The following PKHD1L1 variants were observed in gnomAD, a reference collection of about 807,000 sequenced individuals.
PKHD1L1 encodes fibrocystin-L.
PKHD1L1 carries 434 observed loss-of-function variants against 462.9 expected under a neutral mutation model. The observed-to-expected ratio is 0.94, with a 90% CI of 0.87 to 1.02. The LOEUF (loss-of-function observed/expected upper bound fraction) is 1.02. PKHD1L1 is among the 50% of genes least tolerant of loss of function. The pLI is 0.00. For synonymous variants in PKHD1L1, 1,781 were observed against 1,750.0 expected, an observed-to-expected ratio of 1.02 and a Z score of -0.44; for missense variants, 5,202 against 5,096.1, an observed-to-expected ratio of 1.02 and a Z score of -0.63.
intron 39 of PKHD1L1, among the ~76,000 whole-genome samples, 184 bp downstream of exon 39, chr8:109,448,575 G>C (rs1202541350): frequency 8.0e-5 from 12 of 150,526 alleles, no homozygotes; most frequent in Admixed American, 7.9e-4. Context: ...GCAGTGGCGC[G>C]ATCTTGGCTC....
At chr8:109,498,911 A>G in intron 67 of PKHD1L1, 140 bp downstream of exon 67, 3 of 726,346 alleles carry the variant, frequency 4.1e-6, no homozygotes, top group South Asian at 4.0e-5. Context: ...CAAAGAAATC[A>G]GACATCAGAG....
intron 17 of PKHD1L1, 144 bp from the exon 18 acceptor site, chr8:109,407,905 T>C (rs1030666953): frequency 1.5e-5 from 6 of 403,422 alleles, no homozygotes; most frequent in Admixed American, 1.5e-4. Context: ...CCCCCATTCT[T>C]CCTTCTTTTC....
intron 10 of PKHD1L1, among the ~76,000 whole-genome samples, chr8:109,394,768 T>C (rs1052289300): frequency 6.6e-6 from 1 of 152,150 alleles, no homozygotes; most frequent in East Asian, 1.9e-4. Context: ...TGGCTATTGG[T>C]AGAGGGAGGG....
intron 51 of PKHD1L1, among the ~76,000 whole-genome samples, chr8:109,475,688 A>G (rs1209530889): frequency 6.6e-6 from 1 of 151,672 alleles, no homozygotes; most frequent in African/African-American, 2.4e-5. Flanking sequence ...AATACAAAAA[A>G]AAAAAAAGAT....
At chr8:109,452,976 T>G in intron 43 of PKHD1L1, 102 bp downstream of exon 43, 10 of 1,021,020 alleles carry the variant, frequency 9.8e-6, no homozygotes, top group Non-Finnish European at 1.2e-5. Context: ...AGTTGCACTA[T>G]CTTTTTAATA....
At chr8:109,482,104 G>A (rs1208842323) in intron 56 of PKHD1L1, among the ~76,000 whole-genome samples, 1 of 126,068 alleles carries the variant, frequency 7.9e-6, no homozygotes, top group African/African-American at 2.9e-5. Context: ...AGCTCAGAAA[G>A]CAAATGGCTT....
At position 109,522,798 on chromosome 8, in the gene PKHD1L1, G is replaced by A. The variant is rs372485762; in HGVS notation, c.12238G>A (p.Val4080Met). 38 of 1,612,096 alleles carry A rather than the reference G, an allele frequency of 2.4e-5. No individual in the cohort carries two copies. The highest frequency in any genetic ancestry group is 8.4e-5 in the Admixed American group (5 of 59,318). ...SAFPVHHVAF[V>M]SSLLVITQPV... is the part of the protein sequence containing the mutation. The stretch of plus-strand genomic sequence containing the variant: ...ATTTCCTGTTCATCACGTGGCCTTC[G>A]TGTCCTCACTCTTAGTGATCACTCA... The change falls in exon 75 of 78, where the codon GTG becomes ATG. Residue 4080 changes from valine (V) to methionine (M), a missense_variant. Physicochemically the swap from Val to Met is conservative, Grantham distance 21. Coordinates refer to ENST00000378402, the MANE Select transcript of PKHD1L1 (RefSeq NM_177531.6).
intron 59 of PKHD1L1, among the ~76,000 whole-genome samples, chr8:109,487,897 G>GAAGA (rs1297828185): frequency 2.5e-4 from 34 of 133,646 alleles, no homozygotes; most frequent in African/African-American, 9.4e-4. Flanking sequence ...AGAGAGGAAG[G>GAAGA]AAGGAAGGAA....
rs186550861 is a variant in PKHD1L1 at position 109,388,366 on chromosome 8, A to G, written c.570-131A>G. 3 of 689,006 alleles carry G rather than the reference A, an allele frequency of 4.4e-6. No homozygotes were observed. The East Asian group carries it at 8.2e-5, about 19-fold the overall frequency. 42.7% of individuals were successfully genotyped at this position (689,006 alleles called of 1,614,324 possible). On this transcript the variant is annotated intron_variant, in intron 6 of 77. Coordinates refer to ENST00000378402, the MANE Select transcript of PKHD1L1 (RefSeq NM_177531.6). ...GTTCAGTAGATGTTTTGTTGAATGC[A>G]TGAGTGAGGGATAATAATAAGTGAT...
At chr8:109,403,124 T>C (rs917829772) in intron 14 of PKHD1L1, among the ~76,000 whole-genome samples, 11 of 152,282 alleles carry the variant, frequency 7.2e-5, no homozygotes, top group African/African-American at 2.6e-4. Context: ...CAACTCCTAA[T>C]ACATCTGCTG....
In PKHD1L1 at chr8:109,481,490, G is replaced by A. The variant is rs756716267; in HGVS notation, c.9385G>A (p.Val3129Ile). 6.3e-6 allele frequency: 10 copies of A among 1,597,772 alleles called. No homozygotes were observed. The African/African-American group carries it at 1.1e-4, about 17-fold the overall frequency. ...DNPFKGDLKI[V>I]LRGNHTTQDW... ...CCCTTTTAAAGGAGACTTAAAGATT[G>A]TTCTTAGAGGAAATCATACTACACA... is the stretch of plus-strand genomic sequence containing the variant. Residue 3129 changes from valine to isoleucine, a missense_variant, in exon 56 of 78, where the codon GTT (valine) becomes ATT (isoleucine). This residue lies in a region of PKHD1L1 where 4,497 missense variants were observed against 4,336.8 expected (regional missense o/e 1.04). Coordinates refer to ENST00000378402, the MANE Select transcript of PKHD1L1 (RefSeq NM_177531.6).
chr8:109,430,792 TG>T (rs1436958045), intron 27 of PKHD1L1, among the ~76,000 whole-genome samples: 2 of 152,186 alleles, frequency 1.3e-5, no homozygotes, highest in Non-Finnish European at 2.9e-5. Flanking sequence ...AGTGCATTTT[TG>T]TGTTGAAAGA....
At position 109,448,207 on chromosome 8, in the gene PKHD1L1, C is replaced by T. The variant is rs1045652808; in HGVS notation, c.5841C>T (p.Ser1947=). Residue 1947 remains serine, a synonymous_variant, in exon 39 of 78, where the codon TCC becomes TCT. Transcript: ENST00000378402. ...SNFGFEILEI[S]VMINNIQCNV... is the part of the protein sequence containing the mutation. ...TTGGCTTTGAGATCTTGGAAATCTC[C>T]GTGATGATAAATAACATTCAGTGTA... The T allele has an allele frequency of 1.9e-6, 3 of 1,611,656 alleles. No homozygotes were observed. The highest frequency in any genetic ancestry group is 2.5e-6 in the Non-Finnish European group (3 of 1,179,204).
At chr8:109,365,218 A>T (rs565904039) in intron 2 of PKHD1L1, among the ~76,000 whole-genome samples, 26 of 152,282 alleles carry the variant, frequency 1.7e-4, no homozygotes, top group African/African-American at 6.3e-4. Context: ...TTTAAATAGA[A>T]ATATGTGTTT....
At chr8:109,476,406 A>C (rs1320909805) in intron 51 of PKHD1L1, 102 bp from the exon 52 acceptor site, 1 of 823,286 alleles carries the variant, frequency 1.2e-6, no homozygotes, top group Non-Finnish European at 1.8e-6. Context: ...CAAAACTTTT[A>C]AATCTTAACA....
At chr8:109,450,185 C>G (rs1211289789) in intron 40 of PKHD1L1, among the ~76,000 whole-genome samples, 17 of 152,146 alleles carry the variant, frequency 1.1e-4, no homozygotes, top group Non-Finnish European at 1.8e-4. Context: ...ATTATTAACT[C>G]TAATTCAATG....
rs1815734317 is a variant in PKHD1L1, at chr8:109,440,746, A to T, written c.3993A>T (p.Glu1331Asp). The T allele has an allele frequency of 2.5e-6, 4 of 1,612,944 alleles. No homozygotes were observed. In the African/African-American group the frequency reaches 4.0e-5, roughly 16 times the overall value. Residue 1331 changes from glutamate to aspartate, a missense_variant, in exon 33 of 78, where the codon GAA (glutamate) becomes GAT (aspartate). Around this residue, in one of 3 missense-constraint regions of PKHD1L1, gnomAD observed 4,497 missense variants for 4,336.8 expected, o/e 1.04. Coordinates refer to ENST00000378402, the MANE Select transcript of PKHD1L1 (RefSeq NM_177531.6). ...KLNSSIQYVLEVTSMFPQRGS... is the reference protein window; with the variant it reads ...KLNSSIQYVLDVTSMFPQRGS... Reference sequence around the variant, plus strand: ...ATTCTTCAATACAGTATGTTTTAGAAGTGACCAGCATGTTTCCACAAAGAG... The same window carrying T: ...ATTCTTCAATACAGTATGTTTTAGATGTGACCAGCATGTTTCCACAAAGAG...
chr8:109,406,790 C>T (rs1156261890), intron 17 of PKHD1L1, among the ~76,000 whole-genome samples: 1 of 151,946 alleles, frequency 6.6e-6, no homozygotes, highest in Non-Finnish European at 1.5e-5. Flanking sequence ...GTCCAGGAGA[C>T]ACTCATCTGG....
intron 8 of PKHD1L1, 42 bp from the exon 9 acceptor site, chr8:109,390,410 G>T: frequency 8.5e-7 from 1 of 1,182,742 alleles, no homozygotes; most frequent in South Asian, 1.9e-5. Context: ...GTTCTTCTGT[G>T]ACTGGGAATT....
Sources: allele counts gnomAD v4.1 joint callset (sites outside exome capture counted in the v4.1 genomes callset), GRCh38; gene constraint gnomAD v4.1.1; regional missense constraint gnomAD v4.1.1; transcripts MANE v1.5; gene names NCBI Gene and HGNC (gene_info 2026-07-23, HGNC 2026-07-21).